PALLD: variants seen among roughly 807,000 people sequenced by gnomAD.
PALLD encodes palladin, cytoskeletal associated protein.
PALLD carries 61 observed loss-of-function variants against 123.5 expected under a neutral mutation model. That is an observed-to-expected ratio of 0.49 (90% CI 0.40 to 0.61). The LOEUF is 0.61. Among genes scored for constraint, PALLD ranks in the 20% least tolerant of loss-of-function variants. The pLI is 0.00. For synonymous variants in PALLD, 465 were observed against 496.4 expected (o/e 0.94, Z 0.84); for missense variants, 1,273 against 1,377.0 (o/e 0.92, Z 1.20).
At position 168,511,631 on chromosome 4, in the gene PALLD, C is replaced by A; in HGVS notation, c.127C>A (p.Leu43Ile). 1 of 1,614,188 alleles carries A rather than the reference C, an allele frequency of 6.2e-7. No homozygotes were observed. Among genetic ancestry groups the A allele is most frequent in the Non-Finnish European group, 8.5e-7 (1 of 1,180,028 alleles). ...FLSQEEINKS[L>I]DLARRAIADS... ...CAGCCAGGAAGAGATAAACAAGAGT[C>A]TTGACCTGGCCCGGAGAGCCATAGC... Residue 43 changes from leucine to isoleucine, a missense_variant, in exon 2 of 22, where the codon CTT becomes ATT. Leu to Ile is a conservative substitution (Grantham distance 5). Coordinates refer to ENST00000505667, the MANE Select transcript of PALLD (RefSeq NM_001166108.2).
At chr4:168,859,549 T>TA (rs2151020542) in intron 10 of PALLD, among the ~76,000 whole-genome samples, 1 of 152,340 alleles carries the variant, frequency 6.6e-6, no homozygotes, top group African/African-American at 2.4e-5. Flanking sequence ...AGGAAACTTG[T>TA]AAAAAATTGG....
At chr4:168,590,061 G>A (rs60305130) in intron 2 of PALLD, among the ~76,000 whole-genome samples, 15,058 of 152,284 alleles carry the variant, frequency 0.099, 808 homozygotes, top group Admixed American at 0.13. Flanking sequence ...ACTCAGGCTG[G>A]GCTCAGTGGC....
intron 2 of PALLD, among the ~76,000 whole-genome samples, chr4:168,653,362 G>A (rs1778243103): frequency 1.3e-5 from 2 of 152,180 alleles, no homozygotes; most frequent in Non-Finnish European, 2.9e-5. Flanking sequence ...TGTGTAAATA[G>A]TATTTACATA....
intron 10 of PALLD, among the ~76,000 whole-genome samples, chr4:168,820,287 A>G (rs2150789153): frequency 6.6e-6 from 1 of 152,366 alleles, no homozygotes; most frequent in Non-Finnish European, 1.5e-5. Context: ...TCAGGTGTGC[A>G]GTGCTATTAT....
chr4:168,521,049 T>C (rs1425262294), intron 2 of PALLD, among the ~76,000 whole-genome samples: 1 of 152,068 alleles, frequency 6.6e-6, no homozygotes, highest in African/African-American at 2.4e-5. Context: ...AGAATAAAGG[T>C]AGAGATTTTT....
intron 2 of PALLD, among the ~76,000 whole-genome samples, chr4:168,544,673 A>T (rs1765969253): frequency 6.6e-6 from 1 of 152,256 alleles, no homozygotes; most frequent in Non-Finnish European, 1.5e-5. Flanking sequence ...TATTTCTATT[A>T]TCAGCATTTG....
At chr4:168,637,500 TAA>T (rs113307520) in intron 2 of PALLD, among the ~76,000 whole-genome samples, 45 of 145,310 alleles carry the variant, frequency 3.1e-4, no homozygotes, top group African/African-American at 6.0e-4. Context: ...ACTTTTTATT[TAA>T]AAAAAAAAAA....
chr4:168,625,502 G>GATAGATATATAT, intron 2 of PALLD, among the ~76,000 whole-genome samples: 2 of 114,428 alleles, frequency 1.7e-5, no homozygotes, highest in African/African-American at 3.3e-5. Context: ...ATATCCAGGA[G>GATAGATATATAT]ATATATATAT....
chr4:168,837,851 C>T (rs951802674), intron 10 of PALLD, among the ~76,000 whole-genome samples: 25 of 152,162 alleles, frequency 1.6e-4, no homozygotes, highest in African/African-American at 2.7e-4. Flanking sequence ...TGCCGAAATC[C>T]TTGCCCTCGT....
At chr4:168,570,636 A>G (rs1237476220) in intron 2 of PALLD, among the ~76,000 whole-genome samples, 1 of 152,204 alleles carries the variant, frequency 6.6e-6, no homozygotes, top group African/African-American at 2.4e-5. Context: ...CATCTGTAAC[A>G]TTTTATGAGA....
At chr4:168,909,330 T>TA (rs1010977147) in intron 15 of PALLD, among the ~76,000 whole-genome samples, 1 of 152,200 alleles carries the variant, frequency 6.6e-6, no homozygotes, top group Non-Finnish European at 1.5e-5. Context: ...TGCCACAAGT[T>TA]AAATTTCATA....
chr4:168,864,626 C>T (rs541375096), intron 10 of PALLD: 3 of 152,296 alleles, frequency 2.0e-5, no homozygotes, highest in African/African-American at 7.2e-5. Flanking sequence ...TATACTACTT[C>T]CCTAAATGAA....
intron 6 of PALLD, among the ~76,000 whole-genome samples, chr4:168,689,799 G>A (rs1016418913): frequency 6.6e-6 from 1 of 152,056 alleles, no homozygotes; most frequent in Admixed American, 6.6e-5. Context: ...AGTTTAAAAG[G>A]CCCTATTGCT....
At chr4:168,584,162 T>A (rs148554333) in intron 2 of PALLD, among the ~76,000 whole-genome samples, 1 of 152,124 alleles carries the variant, frequency 6.6e-6, no homozygotes, top group East Asian at 1.9e-4. Flanking sequence ...TCATTATGTA[T>A]AGACATCAGG....
At chr4:168,606,663 CAAAAAAA>C in intron 2 of PALLD, among the ~76,000 whole-genome samples, 1 of 92,102 alleles carries the variant, frequency 1.1e-5, no homozygotes, top group South Asian at 3.9e-4. Context: ...GACTCCGTCT[CAAAAAAA>C]AAAAAAAAAA....
At chr4:168,749,448 T>G (rs1007407158) in intron 10 of PALLD, among the ~76,000 whole-genome samples, 1 of 150,672 alleles carries the variant, frequency 6.6e-6, no homozygotes, top group Non-Finnish European at 1.5e-5. Flanking sequence ...GGCTCACGCC[T>G]GTAATCTCAA....
At chr4:168,630,183 T>G (rs1418607718) in intron 2 of PALLD, among the ~76,000 whole-genome samples, 2 of 152,208 alleles carry the variant, frequency 1.3e-5, no homozygotes, top group Admixed American at 1.3e-4. Context: ...CTGAAATGTG[T>G]CTTAGCAAGA....
intron 10 of PALLD, among the ~76,000 whole-genome samples, chr4:168,713,423 G>A (rs948295646): frequency 3.3e-5 from 5 of 152,164 alleles, no homozygotes; most frequent in Non-Finnish European, 7.3e-5. Context: ...GGAGAGAAAG[G>A]GCAAATGTGT....
In PALLD at chr4:168,878,153, C is replaced by CCCCCGT. The variant is rs1201131054; in HGVS notation, c.1965-12764_1965-12763insTCCCCG. 1.3e-6 allele frequency: 2 copies of CCCCCGT among 1,489,684 alleles called. No individual in the cohort carries two copies. Among genetic ancestry groups the CCCCCGT allele is most frequent in the African/African-American group, 2.9e-5 (2 of 68,330 alleles). The allele number at this position is 1,489,684 out of a possible 1,614,324, so 92.3% of individuals were successfully genotyped here. On this transcript the variant is annotated intron_variant, in intron 10 of 21. Coordinates refer to ENST00000505667, the MANE Select transcript of PALLD (RefSeq NM_001166108.2). ...CCCGTGGGGCTCCTCCTCGCCGTCG[C>CCCCCGT]CCCCGCCCCCGCCACCCCCGGTCTT...
Sources: gnomAD v4.1 joint callset for allele counts (sites outside exome capture counted in the v4.1 genomes callset) on GRCh38, gnomAD v4.1.1 for gene constraint, MANE v1.5 for transcripts, NCBI Gene and HGNC (gene_info 2026-07-23, HGNC 2026-07-21) for gene names.